Variants in GPC2 observed in about 807,000 individuals in gnomAD.
GPC2 encodes glypican-2.
In GPC2, 42 loss-of-function variants were observed where a neutral mutation model predicts 57.3. That is an observed-to-expected ratio of 0.73 (90% CI 0.57 to 0.95). The LOEUF (loss-of-function observed/expected upper bound fraction) is 0.95, where lower values mean the gene tolerates loss of function less well. Ranked by LOEUF, GPC2 falls within the 40% of genes least tolerant of loss-of-function variation. The probability of loss-of-function intolerance (pLI) is 0.00; values close to 1 mark genes in which losing one functional copy is unlikely to be tolerated. For synonymous variants in GPC2, 364 were observed against 343.4 expected, an observed-to-expected ratio of 1.06 and a Z score of -0.66; for missense variants, 745 against 793.6, an observed-to-expected ratio of 0.94 and a Z score of 0.74.
intron 2 of GPC2, 135 bp from the exon 3 acceptor site, chr7:100,176,029 A>G (rs1413926577): frequency 6.5e-6 from 4 of 615,616 alleles, no homozygotes; most frequent in Non-Finnish European, 9.7e-6. Flanking sequence ...ACTCTCAGAG[A>G]TGGGGCAGAC....
rs778935869 is a variant in GPC2, at chr7:100,176,275, C to T, written c.257G>A (p.Arg86Gln). The T allele has an allele frequency of 7.4e-6, 12 of 1,614,052 alleles. No individual in the cohort carries two copies. Among genetic ancestry groups the T allele is most frequent in the African/African-American group, 1.3e-5 (1 of 75,020 alleles). Residue 86 changes from arginine (R) to glutamine (Q), a missense_variant, in exon 2 of 10, where the codon CGA becomes CAA. Arg to Gln is a conservative substitution (Grantham distance 43, BLOSUM62 1). Around this residue, in one of 2 missense-constraint regions of GPC2, gnomAD observed 138 missense variants for 189.8 expected, o/e 0.73. Transcript: ENST00000292377. Reference protein sequence around the residue: ...RLIRETEATFRGLVEDSGSFL... With the variant: ...RLIRETEATFQGLVEDSGSFL... ...GGAGCCGCTGTCCTCCACCAGGCCT[C>T]GGAAGGTGGCCTCAGTCTCCCTGAT...
chr7:100,176,997 C>A, intron 1 of GPC2, 37 bp downstream of exon 1: 4 of 410,826 alleles, frequency 9.7e-6, no homozygotes, highest in East Asian at 1.0e-4. Flanking sequence ...CCCCCGCCCC[C>A]CACCCCCAAT....
Position 100,169,998 on chromosome 7 carries a change from C to T in GPC2, c.*232G>A, listed in dbSNP as rs1799149602. ...ACCTTCTAAGGAAACCACACTCCCT[C>T]CTAAATAAATACCCCCAGGCCCCCC... On this transcript the variant is annotated 3_prime_UTR_variant, in exon 10 of 10. Transcript: ENST00000292377. The T allele has an allele frequency of 2.1e-6, 1 of 470,178 alleles. No individual in the cohort carries two copies. Among genetic ancestry groups the T allele is most frequent in the East Asian group, 3.7e-5 (1 of 26,704 alleles). 29.1% of individuals were successfully genotyped at this position (470,178 alleles called of 1,614,324 possible). A position where few individuals can be genotyped will look rare whatever the true frequency, so the allele number is the denominator to read the frequency against.
intron 5 of GPC2, among the ~76,000 whole-genome samples, chr7:100,172,713 A>ATATATACACGTATATATATGTG: frequency 6.9e-6 from 1 of 145,870 alleles, no homozygotes; most frequent in Admixed American, 6.9e-5. Context: ...ATATATATGT[A>ATATATACACGTATATATATGTG]TATATACACG....
rs187811507 is a variant in GPC2 at position 100,170,843 on chromosome 7, A to G, written c.1487-360T>C. 3.3e-5 allele frequency among the ~76,000 whole-genome samples: 5 copies of G among 152,202 alleles called. No homozygotes were observed. The East Asian group carries it at 9.7e-4, about 29-fold the overall frequency. On this transcript the variant is annotated intron_variant, in intron 9 of 9. Coordinates refer to ENST00000292377, the MANE Select transcript of GPC2 (RefSeq NM_152742.3). ...GGTGCGGGAAGAGTGACAAAGAGAG[A>G]CAGAGACAGACAGATAGAAGGAGAG...
In GPC2 at chr7:100,171,756, CAACTCTTGGTCATCCCACGCA is replaced by C; in HGVS notation, c.1170+2_1170+22del. ...CCCCGGCCCCGGGCCCCCCCGCCCC[CAACTCTTGGTCATCCCACGCA>C]CCAGCCGGTGCAGGTTGGTGCCTGC... On this transcript the variant is annotated splice_donor_variant and splice_donor_5th_base_variant and intron_variant, in intron 7 of 9. Transcript: ENST00000292377. LOFTEE classifies it high-confidence loss of function. The surrounding 1 kb of genome is among the most constrained non-coding windows in gnomAD (Gnocchi z 4.8). 1 of 1,522,270 alleles carries C rather than the reference CAACTCTTGGTCATCCCACGCA, an allele frequency of 6.6e-7. No individual in the cohort carries two copies. The allele number at this position is 1,522,270 out of a possible 1,614,324, so 94.3% of individuals were successfully genotyped here.
At position 100,171,559 on chromosome 7, in the gene GPC2, C is replaced by A; in HGVS notation, c.1290G>T (p.Trp430Cys). 2 of 1,487,096 alleles carry A rather than the reference C, an allele frequency of 1.3e-6. No homozygotes were observed. Among genetic ancestry groups the A allele is most frequent in the Admixed American group, 2.3e-5 (1 of 43,016 alleles). 92.1% of individuals were successfully genotyped at this position (1,487,096 alleles called of 1,614,324 possible). ...ADASLEAAPC[W>C]TGAGRGRYLP... ...CTCACCGGCCCCGCCCGGCTCCGGT[C>A]CAGCAGGGCGCCGCCTCCAGCGAGG... Residue 430 changes from tryptophan (W) to cysteine (C), a missense_variant, in exon 8 of 10, where the codon TGG (tryptophan) becomes TGT (cysteine). Physicochemically the swap from Trp to Cys is radical, Grantham distance 215. Coordinates refer to ENST00000292377, the MANE Select transcript of GPC2 (RefSeq NM_152742.3). This position sits in a 1 kb window ranked among gnomAD's most constrained non-coding sequence, Gnocchi z 4.8.
rs755022505 is a variant in GPC2 at position 100,173,995 on chromosome 7, C to T, written c.732G>A (p.Val244=). The T allele has an allele frequency of 1.1e-5, 17 of 1,568,416 alleles. No homozygotes were observed. The highest frequency in any genetic ancestry group is 1.4e-5 in the Non-Finnish European group (16 of 1,158,054). The change falls in exon 5 of 10, where the codon GTG becomes GTA. Residue 244 remains valine (V), a splice_region_variant and synonymous_variant. Coordinates refer to ENST00000292377, the MANE Select transcript of GPC2 (RefSeq NM_152742.3). ...GRNVVSEALK[V]PVSEGCSQAL... The stretch of plus-strand genomic sequence containing the variant: ...CCTGGCTGCAGCCTTCAGACACCGG[C>T]ACCTGGGGGCAGAGAGTGGGGCTGT...
At position 100,175,592 on chromosome 7, in the gene GPC2, G is replaced by T; in HGVS notation, c.628C>A (p.Pro210Thr). The change falls in exon 3 of 10, where the codon CCC (proline) becomes ACC (threonine). Residue 210 changes from proline (P) to threonine (T), a missense_variant. Physicochemically the swap from Pro to Thr is conservative, Grantham distance 38. This residue lies in a region of GPC2 where 607 missense variants were observed against 603.9 expected (regional missense o/e 1.01). Coordinates refer to ENST00000292377, the MANE Select transcript of GPC2 (RefSeq NM_152742.3). The stretch of plus-strand genomic sequence containing the variant: ...CTCACCTGCAGGCGGAGGCGGCGGG[G>T]TGAGTCCCCAAAGGGCTGCAGAGAG... ...DGSLQPFGDS[P>T]RRLRLQITRT... is the part of the protein sequence containing the mutation. 1 of 1,611,496 alleles carries T rather than the reference G, an allele frequency of 6.2e-7. No individual in the cohort carries two copies. The highest frequency in any genetic ancestry group is 1.1e-5 in the South Asian group (1 of 90,822).
Position 100,171,124 on chromosome 7 carries a change from C to G in GPC2, c.1486+137G>C. 1 of 795,866 alleles carries G rather than the reference C, an allele frequency of 1.3e-6. No homozygotes were observed. The highest frequency in any genetic ancestry group is 1.9e-6 in the Non-Finnish European group (1 of 535,174). The allele number at this position is 795,866 out of a possible 1,614,324, so 49.3% of individuals were successfully genotyped here. On this transcript the variant is annotated intron_variant, in intron 9 of 9. Transcript: ENST00000292377. The surrounding 1 kb of genome is among the most constrained non-coding windows in gnomAD (Gnocchi z 4.8). The stretch of plus-strand genomic sequence containing the variant: ...ACCCCCAGTCTTTCAGGGCAACGCT[C>G]AATAAATGCTCGTTGAATGAATTAG...
In GPC2 at chr7:100,171,743, G is replaced by C; in HGVS notation, c.1170+36C>G. 3.4e-6 allele frequency: 5 copies of C among 1,465,846 alleles called. No homozygotes were observed. Among genetic ancestry groups the C allele is most frequent in the African/African-American group, 1.5e-5 (1 of 68,700 alleles). 90.8% of individuals were successfully genotyped at this position (1,465,846 alleles called of 1,614,324 possible). Reference sequence around the variant, plus strand: ...CCCCCACAACCATCCCCGGCCCCGGGCCCCCCCGCCCCCAACTCTTGGTCA... The same window carrying C: ...CCCCCACAACCATCCCCGGCCCCGGCCCCCCCCGCCCCCAACTCTTGGTCA... On this transcript the variant is annotated intron_variant, in intron 7 of 9. Coordinates refer to ENST00000292377, the MANE Select transcript of GPC2 (RefSeq NM_152742.3). This position sits in a 1 kb window ranked among gnomAD's most constrained non-coding sequence, Gnocchi z 4.8.
Position 100,173,941 on chromosome 7 carries a change from C to T in GPC2, c.786G>A (p.Leu262=), listed in dbSNP as rs1799227600. ...QALMRLIGCP[L]CRGVPSLMPC... ...GCATAAGTGAGGGGACCCCCCGGCA[C>T]AGGGGACAGCCGATGAGACGCATCA... Residue 262 remains leucine (L), a synonymous_variant, in exon 5 of 10, where the codon CTG becomes CTA. Coordinates refer to ENST00000292377, the MANE Select transcript of GPC2 (RefSeq NM_152742.3). 6.2e-7 allele frequency: 1 copy of T among 1,602,188 alleles called. No homozygotes were observed. Among genetic ancestry groups the T allele is most frequent in the South Asian group, 1.1e-5 (1 of 89,602 alleles).
In GPC2 at chr7:100,170,257, T is replaced by C; in HGVS notation, c.1713A>G (p.Ser571=). The stretch of plus-strand genomic sequence containing the variant: ...ATCGAGGTCCAAGCAGGGCCAGGGC[T>C]GAGAGGGAGAGAATGAGGATGGTTT... ...HTQTILILSL[S]ALALLGPR Residue 571 remains serine, a synonymous_variant, in exon 10 of 10, where the codon TCA becomes TCG. Transcript: ENST00000292377. The C allele has an allele frequency of 6.4e-7, 1 of 1,569,844 alleles. No individual in the cohort carries two copies. Among genetic ancestry groups the C allele is most frequent in the African/African-American group, 1.4e-5 (1 of 73,550 alleles).
In GPC2 at chr7:100,170,145, C is replaced by A; in HGVS notation, c.*85G>T. ...CCCTTCTCTACCCTCTCTGCAGCCC[C>A]CTTCGACTCCTCCCCAGGCCCAGCT... On this transcript the variant is annotated 3_prime_UTR_variant, in exon 10 of 10. Coordinates refer to ENST00000292377, the MANE Select transcript of GPC2 (RefSeq NM_152742.3). The A allele has an allele frequency of 7.1e-7, 1 of 1,404,816 alleles. No homozygotes were observed. The allele number at this position is 1,404,816 out of a possible 1,614,324, so 87.0% of individuals were successfully genotyped here. A position where few individuals can be genotyped will look rare whatever the true frequency, so the allele number is the denominator to read the frequency against.
At chr7:100,172,647 A>ATG (rs753998496) in intron 5 of GPC2, among the ~76,000 whole-genome samples, 5 of 131,250 alleles carry the variant, frequency 3.8e-5, no homozygotes, top group Admixed American at 2.5e-4. Flanking sequence ...GTATATATAT[A>ATG]TATGTGTGTG....
chr7:100,177,014 G>A lies in GPC2; in HGVS notation c.166+20C>T. The stretch of plus-strand genomic sequence containing the variant: ...CCCGCCCCCCACCCCCAATTCTCTA[G>A]TCTTCCTCTTTCTCCTCACCTGAGA... On this transcript the variant is annotated intron_variant, in intron 1 of 9. Coordinates refer to ENST00000292377, the MANE Select transcript of GPC2 (RefSeq NM_152742.3). 1 of 1,433,888 alleles carries A rather than the reference G, an allele frequency of 7.0e-7. No homozygotes were observed. Among genetic ancestry groups the A allele is most frequent in the South Asian group, 1.4e-5 (1 of 70,820 alleles). 88.8% of individuals were successfully genotyped at this position (1,433,888 alleles called of 1,614,324 possible).
Position 100,171,645 on chromosome 7 carries a change from G to A in GPC2, c.1204C>T (p.Arg402Trp), listed in dbSNP as rs1799180391. 4 of 1,524,962 alleles carry A rather than the reference G, an allele frequency of 2.6e-6. No individual in the cohort carries two copies. The highest frequency in any genetic ancestry group is 2.6e-5 in the East Asian group (1 of 38,144). The allele number at this position is 1,524,962 out of a possible 1,614,324, so 94.5% of individuals were successfully genotyped here. ...WELRERLARM[R>W]GFWARLSLTV... ...AGGGACAGCCGGGCCCAGAAGCCCC[G>A]CATCCGGGCCAGACGCTCGCGGAGC... The change falls in exon 8 of 10, where the codon CGG (arginine) becomes TGG (tryptophan). Residue 402 changes from arginine to tryptophan, a missense_variant. Physicochemically the swap from Arg to Trp is moderately radical, Grantham distance 101 (BLOSUM62 -3). Transcript: ENST00000292377. This position sits in a 1 kb window ranked among gnomAD's most constrained non-coding sequence, Gnocchi z 4.8.
In GPC2 at chr7:100,171,455, C is replaced by T. The variant is rs1799175181; in HGVS notation, c.1311-19G>A. ...CAAGTACCTGCGAGCAGAGCAGCCCCGAAGCGCCAGCTAGCGCGCGCGGCC... is the reference window on the plus strand; with the variant it reads ...CAAGTACCTGCGAGCAGAGCAGCCCTGAAGCGCCAGCTAGCGCGCGCGGCC... On this transcript the variant is annotated intron_variant, in intron 8 of 9. Coordinates refer to ENST00000292377, the MANE Select transcript of GPC2 (RefSeq NM_152742.3). This position sits in a 1 kb window ranked among gnomAD's most constrained non-coding sequence, Gnocchi z 4.8. 15 of 1,370,512 alleles carry T rather than the reference C, an allele frequency of 1.1e-5. No individual in the cohort carries two copies. The highest frequency in any genetic ancestry group is 1.7e-5 in the South Asian group (1 of 57,280). The allele number at this position is 1,370,512 out of a possible 1,614,324, so 84.9% of individuals were successfully genotyped here.
Position 100,170,501 on chromosome 7 carries a change from G to A in GPC2, c.1487-18C>T, listed in dbSNP as rs373845698. 31 of 1,495,310 alleles carry A rather than the reference G, an allele frequency of 2.1e-5. No homozygotes were observed. In the African/African-American group the frequency reaches 4.2e-4, roughly 20 times the overall value. 92.6% of individuals were successfully genotyped at this position (1,495,310 alleles called of 1,614,324 possible). A position where few individuals can be genotyped will look rare whatever the true frequency, so the allele number is the denominator to read the frequency against. On this transcript the variant is annotated intron_variant, in intron 9 of 9. Transcript: ENST00000292377. Reference sequence around the variant, plus strand: ...ATCCTCATCTGCAAGGAAGAAGAGGGACAGAGCAGGATGGGAGGGAGAAGC... The same window carrying A: ...ATCCTCATCTGCAAGGAAGAAGAGGAACAGAGCAGGATGGGAGGGAGAAGC...
Sources: gnomAD v4.1 joint callset for allele counts (sites outside exome capture counted in the v4.1 genomes callset) on GRCh38, gnomAD v4.1.1 for gene constraint, gnomAD v4.1.1 regional missense constraint, Gnocchi (gnomAD v3.1) non-coding constraint, MANE v1.5 for transcripts, NCBI Gene and HGNC (gene_info 2026-07-23, HGNC 2026-07-21) for gene names.